The following ADGRV1 variants were observed in gnomAD, a reference collection of about 807,000 sequenced individuals.
ADGRV1 encodes adhesion G protein-coupled receptor V1, also known as G-protein coupled receptor 98.
Under a neutral mutation model 596.2 loss-of-function variants are expected in ADGRV1, and 359 were observed. The observed-to-expected ratio is 0.60, with a 90% CI of 0.55 to 0.66. The LOEUF (loss-of-function observed/expected upper bound fraction) is 0.66. Among genes scored for constraint, ADGRV1 ranks in the 30% least tolerant of loss-of-function variants. The pLI is 0.00. For missense variants in ADGRV1, 7,274 were observed against 7,575.6 expected (o/e 0.96, Z 1.48); for synonymous variants, 2,681 against 2,679.2 (o/e 1.00, Z -0.02).
chr5:90,573,471 T>C (rs1756803331), intron 1 of ADGRV1, among the ~76,000 whole-genome samples: 1 of 152,212 alleles, frequency 6.6e-6, no homozygotes, highest in African/African-American at 2.4e-5. Flanking sequence ...TAAAAACCTG[T>C]ACAGCATGCT....
chr5:90,714,276 G>GC (rs1390839430), intron 42 of ADGRV1, among the ~76,000 whole-genome samples: 1 of 144,182 alleles, frequency 6.9e-6, no homozygotes, highest in African/African-American at 2.5e-5. Flanking sequence ...ACACTGGTTT[G>GC]TTTTTTTTTT....
intron 42 of ADGRV1, among the ~76,000 whole-genome samples, chr5:90,713,312 A>G (rs1022350980): frequency 6.6e-6 from 1 of 151,152 alleles, no homozygotes; most frequent in African/African-American, 2.4e-5. Flanking sequence ...TTGATAAAAT[A>G]CATTGATATT....
In ADGRV1 at chr5:90,694,287, G is replaced by C; in HGVS notation, c.7531G>C (p.Ala2511Pro). The C allele has an allele frequency of 6.2e-7, 1 of 1,613,952 alleles. No homozygotes were observed. Among genetic ancestry groups the C allele is most frequent in the Non-Finnish European group, 8.5e-7 (1 of 1,179,856 alleles). ...CTATGAGCCTGTGACAAGGCAATGG[G>C]CCATAATGCAGGAAGGTGATGAATT... Reference protein sequence around the residue: ...SDYEPVTRQWAIMQEGDEFAN... With the variant: ...SDYEPVTRQWPIMQEGDEFAN... The change falls in exon 33 of 90, where the codon GCC (alanine) becomes CCC (proline). Residue 2511 changes from alanine (A) to proline (P), a missense_variant. Transcript: ENST00000405460.
chr5:90,796,466 A>T (rs1424879575), intron 70 of ADGRV1, among the ~76,000 whole-genome samples: 1 of 152,208 alleles, frequency 6.6e-6, no homozygotes. Context: ...CCTCCAAGAA[A>T]TATGGGACTA....
At chr5:90,798,154 T>C (rs1760957727) in intron 70 of ADGRV1, among the ~76,000 whole-genome samples, 1 of 152,006 alleles carries the variant, frequency 6.6e-6, no homozygotes, top group African/African-American at 2.4e-5. Context: ...TTTGAAAAGA[T>C]CAATAAAATA....
At position 90,651,617 on chromosome 5, in the gene ADGRV1, A is replaced by G. The variant is rs80069610; in HGVS notation, c.3303A>G (p.Val1101=). Residue 1101 remains valine, a synonymous_variant, in exon 18 of 90, where the codon GTA becomes GTG. Coordinates refer to ENST00000405460, the MANE Select transcript of ADGRV1 (RefSeq NM_032119.4). ...ILLNSTGDTV[V]YQYGVATVII... is the part of the protein sequence containing the mutation. ...CTTTTAATTTAGGTGATACAGTAGT[A>G]TATCAATATGGAGTAGCTACAGTAA... 1,859 of 1,579,550 alleles carry G rather than the reference A, an allele frequency of 1.2e-3. 23 individuals carry two copies. In the East Asian group the frequency reaches 0.02, roughly 17 times the overall value.
intron 9 of ADGRV1, chr5:90,629,795 A>G: frequency 3.3e-6 from 1 of 307,204 alleles, no homozygotes; most frequent in Non-Finnish European, 6.1e-6. Context: ...GTGAAATGCC[A>G]GTCATGCAAG....
chr5:90,950,791 C>T (rs559266223), intron 83 of ADGRV1, among the ~76,000 whole-genome samples: 182 of 152,224 alleles, frequency 1.2e-3, no homozygotes, highest in African/African-American at 4.3e-3. Flanking sequence ...AACTTGGCAC[C>T]TTGTAGTGAG....
chr5:91,077,719 G>C (rs184067517), intron 86 of ADGRV1, among the ~76,000 whole-genome samples: 1 of 152,268 alleles, frequency 6.6e-6, no homozygotes, highest in Admixed American at 6.5e-5. Context: ...CCCTTCAGTG[G>C]GTGGATGTGC....
intron 76 of ADGRV1, among the ~76,000 whole-genome samples, chr5:90,823,916 C>T (rs944941323): frequency 1.3e-5 from 2 of 152,060 alleles, no homozygotes; most frequent in Non-Finnish European, 2.9e-5. Context: ...GTCTTATTCA[C>T]AATTCTTTTT....
chr5:90,904,276 C>T (rs1446348726), intron 83 of ADGRV1, among the ~76,000 whole-genome samples: 1 of 151,918 alleles, frequency 6.6e-6, no homozygotes, highest in African/African-American at 2.4e-5. Context: ...GGGTATATAC[C>T]CAGCAGGGGG....
At chr5:90,884,860 G>A (rs1770132076) in intron 83 of ADGRV1, among the ~76,000 whole-genome samples, 1 of 152,082 alleles carries the variant, frequency 6.6e-6, no homozygotes, top group Non-Finnish European at 1.5e-5. Flanking sequence ...AGCAATCCAG[G>A]ACAGTTGAAT....
chr5:90,772,015 C>G (rs1757747278), intron 59 of ADGRV1, among the ~76,000 whole-genome samples: 1 of 152,246 alleles, frequency 6.6e-6, no homozygotes, highest in African/African-American at 2.4e-5. Flanking sequence ...CCCTTTTCCC[C>G]CCTCTTACTG....
At chr5:91,162,696 C>G (rs995423366) in intron 89 of ADGRV1, among the ~76,000 whole-genome samples, 3 of 152,142 alleles carry the variant, frequency 2.0e-5, no homozygotes, top group Non-Finnish European at 1.5e-5. Context: ...AGAGAGAGTG[C>G]GAAGGTCAGA....
intron 83 of ADGRV1, among the ~76,000 whole-genome samples, chr5:90,964,020 G>A (rs1778245927): frequency 6.6e-6 from 1 of 151,866 alleles, no homozygotes; most frequent in African/African-American, 2.4e-5. Flanking sequence ...GAGATTTTGG[G>A]AACATGCAAA....
chr5:90,903,762 T>TA (rs1167420432), intron 83 of ADGRV1, among the ~76,000 whole-genome samples: 1 of 152,080 alleles, frequency 6.6e-6, no homozygotes, highest in Non-Finnish European at 1.5e-5. Flanking sequence ...TCCTTCATGT[T>TA]ACAAATAATG....
At chr5:90,635,039 C>A in intron 9 of ADGRV1, 75 bp from the exon 10 acceptor site, 1 of 881,360 alleles carries the variant, frequency 1.1e-6, no homozygotes, top group Non-Finnish European at 1.8e-6. Context: ...CTTTGTCACC[C>A]CATGCTGTTA....
intron 83 of ADGRV1, among the ~76,000 whole-genome samples, chr5:90,954,304 G>C (rs906872385): frequency 1.3e-5 from 2 of 151,692 alleles, no homozygotes; most frequent in Non-Finnish European, 2.9e-5. Context: ...CTAAATGTTG[G>C]ATCTGTATGG....
intron 84 of ADGRV1, among the ~76,000 whole-genome samples, chr5:90,968,926 T>C (rs913513469): frequency 1.1e-4 from 17 of 152,240 alleles, no homozygotes; most frequent in Non-Finnish European, 5.9e-5. Flanking sequence ...TTGTAATTAC[T>C]GAGTTAAGCA....
Sources: gnomAD v4.1 joint callset for allele counts (sites outside exome capture counted in the v4.1 genomes callset) on GRCh38, gnomAD v4.1.1 for gene constraint, MANE v1.5 for transcripts, NCBI Gene and HGNC (gene_info 2026-07-23, HGNC 2026-07-21) for gene names.